Variants in PXDN observed in about 807,000 individuals in gnomAD.
PXDN encodes the protein peroxidasin homolog.
Under a neutral mutation model 140.3 loss-of-function variants are expected in PXDN, and 77 were observed. That is an observed-to-expected ratio of 0.55 (90% CI 0.46 to 0.66). The LOEUF is 0.66. Ranked by LOEUF, PXDN falls within the 30% of genes least tolerant of loss-of-function variation. The pLI, the probability that PXDN is intolerant of heterozygous loss-of-function variation, is 0.00. For missense variants in PXDN, 1,838 were observed against 2,039.5 expected, an observed-to-expected ratio of 0.90 and a Z score of 1.90; for synonymous variants, 911 against 857.4, an observed-to-expected ratio of 1.06 and a Z score of -1.09.
chr2:1,734,896 C>T (rs189404034), intron 1 of PXDN, among the ~76,000 whole-genome samples: 156 of 152,200 alleles, frequency 1.0e-3, no homozygotes, highest in African/African-American at 3.6e-3. Context: ...AATAAAGGCT[C>T]ACATTTGCCT....
intron 1 of PXDN, among the ~76,000 whole-genome samples, chr2:1,717,155 G>T (rs1026726839): frequency 6.6e-6 from 1 of 152,190 alleles, no homozygotes. Context: ...GTCTAGAAAC[G>T]CTGGCCATGA....
At chr2:1,678,206 C>T (rs1356273309) in intron 7 of PXDN, among the ~76,000 whole-genome samples, 2 of 152,234 alleles carry the variant, frequency 1.3e-5, no homozygotes, top group South Asian at 4.2e-4. Flanking sequence ...TCAGGCCTTA[C>T]CCGGCCTCCC....
intron 16 of PXDN, among the ~76,000 whole-genome samples, chr2:1,650,522 C>T (rs1572126423): frequency 6.6e-6 from 1 of 152,154 alleles, no homozygotes; most frequent in South Asian, 2.1e-4. Flanking sequence ...TCTTCGCCTT[C>T]AAGACACCTG....
At position 1,653,657 on chromosome 2, in the gene PXDN, T is replaced by C; in HGVS notation, c.2075A>G (p.His692Arg). The change falls in exon 16 of 23, where the codon CAT becomes CGT. Residue 692 changes from histidine to arginine, a missense_variant. Around this residue, in one of 5 missense-constraint regions of PXDN, gnomAD observed 537 missense variants for 583.9 expected, o/e 0.92. Transcript: ENST00000252804. ...TLQLIQEHVQ[H>R]GLMVDLNGTS... is the part of the protein sequence containing the mutation. ...TCCGTTGAGGTCGACCATCAAGCCATGCTGTACATGCTCCTGAATGAGCTG... is the reference window on the plus strand; with the variant it reads ...TCCGTTGAGGTCGACCATCAAGCCACGCTGTACATGCTCCTGAATGAGCTG... The C allele has an allele frequency of 6.2e-7, 1 of 1,612,796 alleles. No homozygotes were observed. Among genetic ancestry groups the C allele is most frequent in the Non-Finnish European group, 8.5e-7 (1 of 1,179,544 alleles).
In PXDN at chr2:1,687,363, A is replaced by C. The variant is rs192109134; in HGVS notation, c.416+269T>G. On this transcript the variant is annotated intron_variant, in intron 4 of 22. Coordinates refer to ENST00000252804, the MANE Select transcript of PXDN (RefSeq NM_012293.3). This position sits in a 1 kb window ranked among gnomAD's most constrained non-coding sequence, Gnocchi z 4.0. ...CATCGATATTACTGTCCTTGGTGTC[A>C]GGAAAGCATGGCCCAGGGCCTGGTG... Among the ~76,000 whole-genome samples the C allele has an allele frequency of 6.6e-5, 10 of 152,176 alleles. No individual in the cohort carries two copies. The East Asian group carries it at 1.9e-3, about 30-fold the overall frequency.
chr2:1,711,562 A>ACCCAC (rs1684782547), intron 1 of PXDN, among the ~76,000 whole-genome samples: 1 of 106,782 alleles, frequency 9.4e-6, no homozygotes, highest in African/African-American at 4.4e-5. Flanking sequence ...CTCCACCAGC[A>ACCCAC]TCCACTCTCC....
In PXDN at chr2:1,744,298, A is replaced by G; in HGVS notation, c.158T>C (p.Leu53Pro). Reference protein sequence around the residue: ...FRTTVRCMHLLLEAVPAVAPQ... With the variant: ...FRTTVRCMHLPLEAVPAVAPQ... ...CGCCACGGCGGGCACGGCCTCCAGCAGCAGATGCATGCAGCGCACGGTGGT... is the reference window on the plus strand; with the variant it reads ...CGCCACGGCGGGCACGGCCTCCAGCGGCAGATGCATGCAGCGCACGGTGGT... The change falls in exon 1 of 23, where the codon CTG becomes CCG. Residue 53 changes from leucine to proline, a missense_variant. Coordinates refer to ENST00000252804, the MANE Select transcript of PXDN (RefSeq NM_012293.3). 2 of 1,525,004 alleles carry G rather than the reference A, an allele frequency of 1.3e-6. No individual in the cohort carries two copies. The highest frequency in any genetic ancestry group is 1.2e-5 in the South Asian group (1 of 82,890). The allele number at this position is 1,525,004 out of a possible 1,614,324, so 94.5% of individuals were successfully genotyped here.
chr2:1,716,840 C>G (rs1297454112), intron 1 of PXDN, among the ~76,000 whole-genome samples: 1 of 152,190 alleles, frequency 6.6e-6, no homozygotes, highest in Admixed American at 6.5e-5. Flanking sequence ...TGAAAGGAAG[C>G]CCAGTTCCAC....
intron 1 of PXDN, among the ~76,000 whole-genome samples, chr2:1,700,730 C>T (rs1684406010): frequency 6.6e-6 from 1 of 151,944 alleles, no homozygotes; most frequent in Admixed American, 6.6e-5. Context: ...AAAAAATTAG[C>T]CAGGCGTGGT....
rs764617774 is a variant in PXDN at position 1,648,356 on chromosome 2, G to T, written c.3424C>A (p.Arg1142=). The change falls in exon 17 of 23, where the codon CGG becomes AGG. Residue 1142 remains arginine, a synonymous_variant. Coordinates refer to ENST00000252804, the MANE Select transcript of PXDN (RefSeq NM_012293.3). This position sits in a 1 kb window ranked among gnomAD's most constrained non-coding sequence, Gnocchi z 8.9. Reference sequence around the variant, plus strand: ...ACCGTGTGTGCCATGGAGAACAGCCGCTCCGTGAGCTCCGTGTTCAGCAGC... The same window carrying T: ...ACCGTGTGTGCCATGGAGAACAGCCTCTCCGTGAGCTCCGTGTTCAGCAGC... ...SQLLNTELTE[R]LFSMAHTVAL... is the part of the protein sequence containing the mutation. The T allele has an allele frequency of 6.2e-7, 1 of 1,613,456 alleles. No individual in the cohort carries two copies. Among genetic ancestry groups the T allele is most frequent in the Non-Finnish European group, 8.5e-7 (1 of 1,179,892 alleles).
intron 1 of PXDN, among the ~76,000 whole-genome samples, chr2:1,698,804 C>T (rs1184357395): frequency 1.3e-5 from 2 of 152,140 alleles, no homozygotes; most frequent in Non-Finnish European, 2.9e-5. Context: ...CCAACACAAG[C>T]CCTCTCAAGT....
At chr2:1,679,480 G>C (rs570729680) in intron 7 of PXDN, among the ~76,000 whole-genome samples, 1 of 143,730 alleles carries the variant, frequency 7.0e-6, no homozygotes. Flanking sequence ...TCTATAAATG[G>C]TTTGTGTGTA....
chr2:1,674,133 T>C (rs1239464118), intron 8 of PXDN, among the ~76,000 whole-genome samples: 2 of 152,260 alleles, frequency 1.3e-5, no homozygotes, highest in South Asian at 2.1e-4. Flanking sequence ...AAACATTTTC[T>C]TTCGTTTCTG....
intron 1 of PXDN, among the ~76,000 whole-genome samples, chr2:1,712,223 C>T (rs989348794): frequency 1.3e-5 from 2 of 152,186 alleles, no homozygotes; most frequent in Admixed American, 6.5e-5. Context: ...GGAAGAACTA[C>T]ATTATAATTT....
At chr2:1,728,225 A>C (rs539012184) in intron 1 of PXDN, among the ~76,000 whole-genome samples, 56 of 152,356 alleles carry the variant, frequency 3.7e-4, no homozygotes, top group Non-Finnish European at 5.3e-4. Flanking sequence ...AGCGTGAGCC[A>C]CTGCACCCAG....
At chr2:1,733,572 T>C (rs1204679741) in intron 1 of PXDN, among the ~76,000 whole-genome samples, 2 of 151,818 alleles carry the variant, frequency 1.3e-5, no homozygotes, top group Non-Finnish European at 2.9e-5. Context: ...TGAAATCCCG[T>C]TTCTACTAAA....
chr2:1,707,715 G>A (rs1310499519), intron 1 of PXDN, among the ~76,000 whole-genome samples: 3 of 152,190 alleles, frequency 2.0e-5, no homozygotes, highest in Non-Finnish European at 4.4e-5. Flanking sequence ...ACAAGGCAGG[G>A]AATGAACACA....
At chr2:1,663,575 C>G in intron 12 of PXDN, 30 bp downstream of exon 12, 1 of 1,608,630 alleles carries the variant, frequency 6.2e-7, no homozygotes. Context: ...CTGAGAAAAT[C>G]AATTCAGTCC....
intron 16 of PXDN, among the ~76,000 whole-genome samples, chr2:1,650,648 C>A (rs1223298611): frequency 6.6e-6 from 1 of 152,152 alleles, no homozygotes; most frequent in East Asian, 1.9e-4. Flanking sequence ...CTCAACACTC[C>A]TCCTTTCCAG....
Sources: gnomAD v4.1 joint callset for allele counts (sites outside exome capture counted in the v4.1 genomes callset) on GRCh38, gnomAD v4.1.1 for gene constraint, gnomAD v4.1.1 regional missense constraint, Gnocchi (gnomAD v3.1) non-coding constraint, MANE v1.5 for transcripts, NCBI Gene and HGNC (gene_info 2026-07-23, HGNC 2026-07-21) for gene names.